Variants in TAFA5 observed in about 807,000 individuals in gnomAD.
TAFA5 encodes the protein TAFA chemokine like family member 5.
TAFA5 carries 6 observed loss-of-function variants against 15.3 expected under a neutral mutation model. The ratio of observed to expected loss-of-function variants is 0.39; its 90% CI spans 0.21 to 0.77. TAFA5 has a LOEUF of 0.77. TAFA5 is among the 30% of genes least tolerant of loss of function. TAFA5 has a pLI of 0.41. For missense variants in TAFA5, 161 were observed against 193.1 expected, an observed-to-expected ratio of 0.83 and a Z score of 0.98; for synonymous variants, 103 against 80.7, an observed-to-expected ratio of 1.28 and a Z score of -1.48.
intron 3 of TAFA5, among the ~76,000 whole-genome samples, chr22:48,740,577 C>T (rs910519339): frequency 2.6e-5 from 4 of 152,214 alleles, no homozygotes; most frequent in Admixed American, 2.0e-4. Context: ...CACGTGGCAG[C>T]GTCGTGGCTT....
chr22:48,635,976 GCCTTCCT>G (rs1413581557), intron 1 of TAFA5, among the ~76,000 whole-genome samples: 5 of 152,362 alleles, frequency 3.3e-5, no homozygotes, highest in Admixed American at 3.3e-4. Flanking sequence ...GGTCCAGGGC[GCCTTCCT>G]CCTCCCTCCC....
chr22:48,706,137 C>T (rs1929071331), intron 2 of TAFA5, among the ~76,000 whole-genome samples: 1 of 152,220 alleles, frequency 6.6e-6, no homozygotes, highest in East Asian at 1.9e-4. Context: ...GCCTTCCCTA[C>T]TCTGCAGGGC....
At chr22:48,622,807 G>T (rs1220493561) in intron 1 of TAFA5, among the ~76,000 whole-genome samples, 1 of 152,238 alleles carries the variant, frequency 6.6e-6, no homozygotes, top group Non-Finnish European at 1.5e-5. Context: ...CTGACTCAGT[G>T]TGTTGGCTGC....
intron 1 of TAFA5, among the ~76,000 whole-genome samples, chr22:48,605,281 GATGTTGTTA>G (rs1925132728): frequency 1.4e-5 from 2 of 139,556 alleles, no homozygotes; most frequent in African/African-American, 5.4e-5. Context: ...TGATGGTGAT[GATGTTGTTA>G]ATGGTGGTGA....
At chr22:48,548,087 C>T (rs1922737452) in intron 1 of TAFA5, among the ~76,000 whole-genome samples, 1 of 152,206 alleles carries the variant, frequency 6.6e-6, no homozygotes, top group African/African-American at 2.4e-5. Flanking sequence ...AACATGGCAG[C>T]TGGTGCTGCA....
chr22:48,559,990 T>C (rs778225448), intron 1 of TAFA5, among the ~76,000 whole-genome samples: 7 of 151,918 alleles, frequency 4.6e-5, no homozygotes, highest in Non-Finnish European at 1.0e-4. Context: ...CAGACCCCCG[T>C]GGGTGTGAGG....
chr22:48,722,855 C>T (rs1483940769), intron 3 of TAFA5, among the ~76,000 whole-genome samples: 1 of 152,168 alleles, frequency 6.6e-6, no homozygotes, highest in African/African-American at 2.4e-5. Context: ...AGGGTCCATC[C>T]TAACAGTGAG....
chr22:48,611,533 C>T (rs1317535995), intron 1 of TAFA5, among the ~76,000 whole-genome samples: 1 of 152,108 alleles, frequency 6.6e-6, no homozygotes, highest in African/African-American at 2.4e-5. Context: ...CTTTTGGGGG[C>T]TCGGCCATGT....
At chr22:48,571,576 T>TTTTTG (rs1569029643) in intron 1 of TAFA5, among the ~76,000 whole-genome samples, 5 of 101,960 alleles carry the variant, frequency 4.9e-5, no homozygotes, top group African/African-American at 1.3e-4. Context: ...CCTGGCCTGT[T>TTTTTG]TTTTTTTTTT....
intron 1 of TAFA5, among the ~76,000 whole-genome samples, chr22:48,523,150 C>A (rs1188474946): frequency 6.6e-6 from 1 of 152,220 alleles, no homozygotes; most frequent in East Asian, 1.9e-4. Context: ...TCCTCCCCTG[C>A]CGCTCGTGCC....
chr22:48,519,375 C>A (rs547905260), intron 1 of TAFA5, among the ~76,000 whole-genome samples: 1 of 152,246 alleles, frequency 6.6e-6, no homozygotes, highest in Non-Finnish European at 1.5e-5. Context: ...ATCGCGTAGT[C>A]GCAGGGGCCA....
intron 1 of TAFA5, among the ~76,000 whole-genome samples, chr22:48,582,475 C>A (rs974276914): frequency 5.9e-5 from 9 of 151,270 alleles, no homozygotes; most frequent in Non-Finnish European, 1.3e-4. Flanking sequence ...ACACCACACA[C>A]AAAATACACC....
At chr22:48,536,513 G>A (rs986980536) in intron 1 of TAFA5, among the ~76,000 whole-genome samples, 8 of 152,344 alleles carry the variant, frequency 5.3e-5, no homozygotes, top group East Asian at 1.9e-4. Context: ...CGTGGCTGAC[G>A]AGTTGTCAGG....
At chr22:48,699,456 G>C (rs1326237528) in intron 2 of TAFA5, among the ~76,000 whole-genome samples, 1 of 152,210 alleles carries the variant, frequency 6.6e-6, no homozygotes, top group Non-Finnish European at 1.5e-5. Flanking sequence ...GCTTCTCGGT[G>C]ACAGGGCACT....
At chr22:48,577,088 A>G (rs573965924) in intron 1 of TAFA5, among the ~76,000 whole-genome samples, 1 of 152,242 alleles carries the variant, frequency 6.6e-6, no homozygotes, top group South Asian at 2.1e-4. Context: ...AGAGACCCAT[A>G]GGTTTGGGAA....
chr22:48,518,937 C>T (rs1921511135), intron 1 of TAFA5, among the ~76,000 whole-genome samples: 1 of 152,122 alleles, frequency 6.6e-6, no homozygotes, highest in Non-Finnish European at 1.5e-5. Flanking sequence ...ACCAGGCGGC[C>T]GGCGGTCCCC....
chr22:48,506,890 C>G (rs562190228), intron 1 of TAFA5, among the ~76,000 whole-genome samples: 34 of 152,340 alleles, frequency 2.2e-4, no homozygotes, highest in African/African-American at 8.2e-4. Context: ...CTGGACACGT[C>G]AGCATGGGAC....
At chr22:48,591,061 G>A (rs1333454558) in intron 1 of TAFA5, among the ~76,000 whole-genome samples, 2 of 152,152 alleles carry the variant, frequency 1.3e-5, no homozygotes, top group Middle Eastern at 3.4e-3. Context: ...CATGTTGGCC[G>A]GGTTGGTCTT....
At chr22:48,571,249 A>ATTT (rs1349374970) in intron 1 of TAFA5, among the ~76,000 whole-genome samples, 1 of 113,788 alleles carries the variant, frequency 8.8e-6, no homozygotes, top group Non-Finnish European at 1.9e-5. Flanking sequence ...TCCTCAGAAC[A>ATTT]TTTTTTTGTT....
Sources: allele counts gnomAD v4.1 joint callset (sites outside exome capture counted in the v4.1 genomes callset), GRCh38; gene constraint gnomAD v4.1.1; transcripts MANE v1.5; gene names NCBI Gene and HGNC (gene_info 2026-07-23, HGNC 2026-07-21).